ROBO1: variants seen among roughly 807,000 people sequenced by gnomAD.
ROBO1 encodes the protein roundabout guidance receptor 1, also known as roundabout homolog 1.
In ROBO1, 149 loss-of-function variants were observed where a neutral mutation model predicts 195.9. The ratio of observed to expected loss-of-function variants is 0.76; its 90% CI spans 0.67 to 0.87. The LOEUF is 0.87. Ranked by LOEUF, ROBO1 falls within the 40% of genes least tolerant of loss-of-function variation. ROBO1 has a pLI of 0.00. For missense variants in ROBO1, 1,933 were observed against 2,068.3 expected, an observed-to-expected ratio of 0.93 and a Z score of 1.27; for synonymous variants, 816 against 733.2, an observed-to-expected ratio of 1.11 and a Z score of -1.82.
chr3:78,679,796 A>C (rs2080846060), intron 10 of ROBO1, among the ~76,000 whole-genome samples: 1 of 152,174 alleles, frequency 6.6e-6, no homozygotes, highest in Non-Finnish European at 1.5e-5. Flanking sequence ...CCATCAAGCT[A>C]CCAATGACTT....
Position 78,688,686 on chromosome 3 carries a change from G to C in ROBO1, c.1132C>G (p.Pro378Ala). 6.2e-7 allele frequency: 1 copy of C among 1,607,544 alleles called. No homozygotes were observed. Among genetic ancestry groups the C allele is most frequent in the Non-Finnish European group, 8.5e-7 (1 of 1,176,666 alleles). Residue 378 changes from proline (P) to alanine (A), a missense_variant, in exon 9 of 31, where the codon CCT becomes GCT. This residue lies in a region of ROBO1 where 1,737 missense variants were observed against 1,882.5 expected (regional missense o/e 0.92). Coordinates refer to ENST00000464233, the MANE Select transcript of ROBO1 (RefSeq NM_002941.4). Reference sequence around the variant, plus strand: ...CTCCTCCAGAAAATAGCTGGTTGAGGATTTCCGGTTGCTTCACACTGAAAA... The same window carrying C: ...CTCCTCCAGAAAATAGCTGGTTGAGCATTTCCGGTTGCTTCACACTGAAAA... ...VTFQCEATGN[P>A]QPAIFWRREG...
chr3:79,284,697 A>C (rs920350912), intron 2 of ROBO1, among the ~76,000 whole-genome samples: 3 of 152,206 alleles, frequency 2.0e-5, no homozygotes, highest in Non-Finnish European at 2.9e-5. Flanking sequence ...AAGAATATCA[A>C]GGTAAATGGA....
intron 3 of ROBO1, among the ~76,000 whole-genome samples, chr3:79,004,300 T>G (rs971688303): frequency 2.0e-5 from 3 of 152,192 alleles, no homozygotes; most frequent in Non-Finnish European, 4.4e-5. Context: ...AACAATTTGC[T>G]CAAAAATCAG....
intron 1 of ROBO1, among the ~76,000 whole-genome samples, chr3:79,668,951 G>T (rs1946552232): frequency 6.6e-6 from 1 of 151,816 alleles, no homozygotes; most frequent in South Asian, 2.1e-4. Context: ...TAACATTTTG[G>T]TCAACATGTG....
In ROBO1 at chr3:78,938,617, T is replaced by C. The variant is rs1029203034; in HGVS notation, c.483A>G (p.Ala161=). ...NYLGEAVSHN[A]SLEVAILRDD... The stretch of plus-strand genomic sequence containing the variant: ...TTTACTTACTGGCTACTTCCAGCGA[T>C]GCATTGTGGCTCACAGCCTCTCCAA... Residue 161 remains alanine, a synonymous_variant, in exon 4 of 31, where the codon GCA becomes GCG. Transcript: ENST00000464233. The C allele has an allele frequency of 4.3e-6, 7 of 1,610,116 alleles. No individual in the cohort carries two copies. The highest frequency in any genetic ancestry group is 4.5e-5 in the East Asian group (2 of 44,784).
Position 78,921,387 on chromosome 3 carries a change from T to G in ROBO1, c.499+17214A>C, listed in dbSNP as rs2038933052. Among the ~76,000 whole-genome samples, 3 of 152,330 alleles carry G rather than the reference T, an allele frequency of 2.0e-5. No homozygotes were observed. In the South Asian group the frequency reaches 6.2e-4, roughly 32 times the overall value. On this transcript the variant is annotated intron_variant, in intron 4 of 30. Transcript: ENST00000464233. Reference sequence around the variant, plus strand: ...AGCATAAGTACCCTCTCTATGGCGCTTAAAAATCTTCCAAACATCCAGGAA... The same window carrying G: ...AGCATAAGTACCCTCTCTATGGCGCGTAAAAATCTTCCAAACATCCAGGAA...
intron 2 of ROBO1, among the ~76,000 whole-genome samples, chr3:79,162,652 G>T (rs1308340087): frequency 1.3e-5 from 2 of 152,020 alleles, no homozygotes; most frequent in East Asian, 3.9e-4. Flanking sequence ...GTGAAAAGTT[G>T]GGCAAACTTA....
intron 24 of ROBO1, 149 bp from the exon 25 acceptor site, chr3:78,631,454 C>A (rs1296659889): frequency 4.1e-5 from 39 of 946,036 alleles, no homozygotes; most frequent in Non-Finnish European, 5.7e-5. Flanking sequence ...TTAAACAGAA[C>A]TTTGTACAAG....
chr3:79,377,165 T>G (rs1416840824), intron 2 of ROBO1, among the ~76,000 whole-genome samples: 1 of 152,118 alleles, frequency 6.6e-6, no homozygotes, highest in African/African-American at 2.4e-5. Context: ...CTTTATATTG[T>G]GACCCCCCTA....
chr3:79,180,125 C>T (rs1243670178), intron 2 of ROBO1, among the ~76,000 whole-genome samples: 3 of 152,154 alleles, frequency 2.0e-5, no homozygotes, highest in Non-Finnish European at 4.4e-5. Context: ...TATGATCACA[C>T]TGTTTATCTT....
chr3:79,596,094 A>T (rs1944161121), intron 1 of ROBO1, among the ~76,000 whole-genome samples: 1 of 152,048 alleles, frequency 6.6e-6, no homozygotes, highest in East Asian at 1.9e-4. Flanking sequence ...GAGCTCATGA[A>T]GGAAAATCAA....
intron 3 of ROBO1, among the ~76,000 whole-genome samples, chr3:79,028,828 G>A (rs1559605496): frequency 6.6e-6 from 1 of 151,938 alleles, no homozygotes; most frequent in Non-Finnish European, 1.5e-5. Context: ...TTTATTACAA[G>A]TGTTTAATAA....
At chr3:79,428,822 C>A in intron 2 of ROBO1, among the ~76,000 whole-genome samples, 1 of 151,290 alleles carries the variant, frequency 6.6e-6, no homozygotes, top group South Asian at 2.1e-4. Context: ...CATGCAACAC[C>A]ATGGATGGAT....
At chr3:78,638,443 G>A (rs907127012) in intron 22 of ROBO1, among the ~76,000 whole-genome samples, 2 of 151,292 alleles carry the variant, frequency 1.3e-5, no homozygotes, top group African/African-American at 4.8e-5. Context: ...TGTTATTACT[G>A]TTGTAGATTA....
chr3:78,904,355 A>G (rs1040498454), intron 4 of ROBO1, among the ~76,000 whole-genome samples: 2 of 152,072 alleles, frequency 1.3e-5, no homozygotes, highest in South Asian at 2.1e-4. Flanking sequence ...AGTTTTATAC[A>G]CCATAGCATT....
intron 3 of ROBO1, among the ~76,000 whole-genome samples, chr3:79,031,289 T>G (rs1184219586): frequency 6.6e-6 from 1 of 152,206 alleles, no homozygotes; most frequent in East Asian, 1.9e-4. Flanking sequence ...TGTTTCAGTG[T>G]CTTGTTAGTC....
intron 10 of ROBO1, among the ~76,000 whole-genome samples, chr3:78,680,804 A>T (rs879895987): frequency 0.01 from 1,553 of 148,168 alleles, 16 homozygotes; most frequent in Non-Finnish European, 0.015. Flanking sequence ...AACTAGAAAT[A>T]CCATTTGACC....
chr3:78,788,119 AT>A (rs1388895789), intron 4 of ROBO1, among the ~76,000 whole-genome samples: 2 of 108,840 alleles, frequency 1.8e-5, no homozygotes, highest in Admixed American at 9.3e-5. Context: ...TTGTTTTTGT[AT>A]TTTTTTTTCT....
intron 4 of ROBO1, among the ~76,000 whole-genome samples, chr3:78,842,928 A>G (rs967142807): frequency 2.6e-5 from 4 of 152,078 alleles, no homozygotes; most frequent in Non-Finnish European, 5.9e-5. Flanking sequence ...CTACAGAGCT[A>G]TTTGCTACAT....
Sources: allele counts gnomAD v4.1 joint callset (sites outside exome capture counted in the v4.1 genomes callset), GRCh38; gene constraint gnomAD v4.1.1; regional missense constraint gnomAD v4.1.1; transcripts MANE v1.5; gene names NCBI Gene and HGNC (gene_info 2026-07-23, HGNC 2026-07-21).